Variants in ACYP2 observed in about 807,000 individuals in gnomAD.
ACYP2 encodes the protein acylphosphatase 2.
A neutral mutation model predicts 11.2 loss-of-function variants in ACYP2; 12 were observed. That is an observed-to-expected ratio of 1.08 (90% confidence interval 0.69 to 1.74). ACYP2 has a LOEUF of 1.74. Ranked by LOEUF, ACYP2 falls within the 40% of genes most tolerant of loss-of-function variation. The pLI is 0.00. For missense variants in ACYP2, 134 were observed against 101.9 expected (o/e 1.31, Z -1.35); for synonymous variants, 43 against 32.2 (o/e 1.33, Z -1.13).
rs557503795 is a variant in ACYP2 at position 54,156,167 on chromosome 2, G to A, written c.404+17419G>A. ...GTCTGTTAGGTCCATTTGGTCTAAA[G>A]TGTAGCTCAAGTTCAATATTTGCTT... On this transcript the variant is annotated intron_variant, in intron 6 of 6. Coordinates refer to ENST00000607452, the MANE Select transcript of ACYP2 (RefSeq NM_001320586.2). Among the ~76,000 whole-genome samples the A allele has an allele frequency of 3.1e-4, 47 of 152,224 alleles. No homozygotes were observed. In the South Asian group the frequency reaches 8.9e-3, roughly 29 times the overall value.
intron 4 of ACYP2, among the ~76,000 whole-genome samples, chr2:54,096,433 C>T (rs953625038): frequency 6.6e-6 from 1 of 152,024 alleles, no homozygotes; most frequent in African/African-American, 2.4e-5. Flanking sequence ...GACGGGGTGG[C>T]GGCCTGGCAG....
chr2:54,096,319 G>A (rs1678575862), intron 4 of ACYP2, among the ~76,000 whole-genome samples: 1 of 144,010 alleles, frequency 6.9e-6, no homozygotes, highest in Non-Finnish European at 1.5e-5. Flanking sequence ...TGGGATGGCG[G>A]CCGGGCAGAG....
chr2:54,284,083 C>A (rs1412794109), intron 6 of ACYP2, among the ~76,000 whole-genome samples: 1 of 152,198 alleles, frequency 6.6e-6, no homozygotes, highest in Non-Finnish European at 1.5e-5. Flanking sequence ...TGCACTCCAG[C>A]CTTAGTGACA....
intron 4 of ACYP2, chr2:54,084,741 A>G (rs1192239360): frequency 6.6e-6 from 1 of 152,240 alleles, no homozygotes; most frequent in Non-Finnish European, 1.5e-5. Flanking sequence ...TAATGCTGTA[A>G]GAGTCAGCAA....
chr2:53,977,325 G>A (rs933002702), intron 2 of ACYP2, among the ~76,000 whole-genome samples: 19 of 152,094 alleles, frequency 1.2e-4, no homozygotes, highest in Middle Eastern at 3.2e-3. Context: ...AATTACAGGC[G>A]TGAGCCGCCG....
At chr2:54,053,537 T>G (rs1222318538) in intron 3 of ACYP2, among the ~76,000 whole-genome samples, 1 of 152,198 alleles carries the variant, frequency 6.6e-6, no homozygotes, top group Non-Finnish European at 1.5e-5. Context: ...TGACTCTCTC[T>G]GTACCAGTCC....
At position 54,174,012 on chromosome 2, in the gene ACYP2, C is replaced by T. The variant is rs548574881; in HGVS notation, c.404+35264C>T. On this transcript the variant is annotated intron_variant, in intron 6 of 6. Coordinates refer to ENST00000607452, the MANE Select transcript of ACYP2 (RefSeq NM_001320586.2). ...TTGGCTTAGGATTGTCTTGGCAATG[C>T]GGACTCTTTTTTGGTTCCATATGAA... Among the ~76,000 whole-genome samples the T allele has an allele frequency of 3.3e-5, 5 of 152,248 alleles. No individual in the cohort carries two copies. In the East Asian group the frequency reaches 5.8e-4, roughly 18 times the overall value.
At chr2:54,095,810 G>A (rs1326958076) in intron 4 of ACYP2, among the ~76,000 whole-genome samples, 5 of 125,550 alleles carry the variant, frequency 4.0e-5, no homozygotes, top group Admixed American at 2.9e-4. Flanking sequence ...CCTCCCTCCC[G>A]GACGGGGCGG....
chr2:54,218,134 TG>T (rs1685634120), intron 6 of ACYP2, among the ~76,000 whole-genome samples: 1 of 152,210 alleles, frequency 6.6e-6, no homozygotes, highest in Non-Finnish European at 1.5e-5. Context: ...TGAAAAAACT[TG>T]TTCTTGATCT....
At chr2:54,053,104 G>A (rs923327911) in intron 3 of ACYP2, among the ~76,000 whole-genome samples, 1 of 152,230 alleles carries the variant, frequency 6.6e-6, no homozygotes, top group Non-Finnish European at 1.5e-5. Flanking sequence ...GACCCCTGAA[G>A]AGCATGTTTT....
At chr2:54,256,218 A>G in intron 6 of ACYP2, 5 of 1,522,620 alleles carry the variant, frequency 3.3e-6, no homozygotes, top group Non-Finnish European at 4.4e-6. Flanking sequence ...AACGTTCCTC[A>G]CACAAAATGG....
At chr2:54,056,559 A>G (rs1676164120) in intron 3 of ACYP2, among the ~76,000 whole-genome samples, 1 of 152,290 alleles carries the variant, frequency 6.6e-6, no homozygotes, top group African/African-American at 2.4e-5. Context: ...ACCTCTTTGT[A>G]TTCTTTAAAT....
At chr2:54,295,236 C>G (rs1351394818) in intron 6 of ACYP2, among the ~76,000 whole-genome samples, 1 of 152,232 alleles carries the variant, frequency 6.6e-6, no homozygotes, top group Admixed American at 6.5e-5. Context: ...ATAAATGAAC[C>G]AATTGCACAA....
chr2:54,028,063 G>C (rs1257320320), intron 2 of ACYP2, among the ~76,000 whole-genome samples: 3 of 151,762 alleles, frequency 2.0e-5, no homozygotes, highest in African/African-American at 7.3e-5. Flanking sequence ...GGCTGGTCTC[G>C]AACTCATGAG....
At chr2:54,057,558 G>T (rs1014688331) in intron 4 of ACYP2, among the ~76,000 whole-genome samples, 1 of 152,148 alleles carries the variant, frequency 6.6e-6, no homozygotes, top group Non-Finnish European at 1.5e-5. Context: ...GTTTTTTACA[G>T]TCATGTAAGC....
intron 6 of ACYP2, chr2:54,267,469 C>G: frequency 1.0e-6 from 1 of 990,226 alleles, no homozygotes; most frequent in Non-Finnish European, 1.4e-6. Flanking sequence ...AAGAGTGGTC[C>G]TAAAGCCTCC....
At chr2:54,131,693 A>G (rs1667058296) in intron 4 of ACYP2, among the ~76,000 whole-genome samples, 1 of 152,232 alleles carries the variant, frequency 6.6e-6, no homozygotes, top group South Asian at 2.1e-4. Context: ...CGTGCATCAG[A>G]TCTGTGGTAC....
At chr2:53,986,287 G>A (rs957450140) in intron 2 of ACYP2, among the ~76,000 whole-genome samples, 5 of 151,844 alleles carry the variant, frequency 3.3e-5, no homozygotes, top group Non-Finnish European at 7.4e-5. Flanking sequence ...ACCGGAAGCA[G>A]ATTCCCGCAC....
chr2:53,981,167 T>C (rs1179366840), intron 2 of ACYP2, among the ~76,000 whole-genome samples: 3 of 152,212 alleles, frequency 2.0e-5, no homozygotes, highest in Non-Finnish European at 4.4e-5. Context: ...ACGGACATGC[T>C]GTACAGATTT....
Sources: gnomAD v4.1 joint callset for allele counts (sites outside exome capture counted in the v4.1 genomes callset) on GRCh38, gnomAD v4.1.1 for gene constraint, MANE v1.5 for transcripts, NCBI Gene and HGNC (gene_info 2026-07-23, HGNC 2026-07-21) for gene names.